The following PALM2AKAP2 variants were observed in gnomAD, a reference collection of about 807,000 sequenced individuals.
The protein encoded by PALM2AKAP2 is PALM2 and AKAP2 fusion.
PALM2AKAP2 carries 37 observed loss-of-function variants against 71.5 expected under a neutral mutation model. The observed-to-expected ratio is 0.52, with a 90% CI of 0.40 to 0.68. The LOEUF (loss-of-function observed/expected upper bound fraction) is 0.68, where lower values mean the gene tolerates loss of function less well. PALM2AKAP2 is among the 30% of genes least tolerant of loss of function. The pLI, the probability that PALM2AKAP2 is intolerant of heterozygous loss-of-function variation, is 0.00. For synonymous variants in PALM2AKAP2, 468 were observed against 478.8 expected (o/e 0.98, Z 0.29); for missense variants, 1,224 against 1,191.8 (o/e 1.03, Z -0.40).
chr9:109,666,212 C>G (rs530690897), intron 1 of PALM2AKAP2, among the ~76,000 whole-genome samples: 1 of 152,336 alleles, frequency 6.6e-6, no homozygotes, highest in African/African-American at 2.4e-5. Context: ...CCAACCAGCC[C>G]CAGTGAGATG....
intron 1 of PALM2AKAP2, among the ~76,000 whole-genome samples, chr9:109,698,338 C>T (rs1375794804): frequency 3.5e-5 from 5 of 141,706 alleles, no homozygotes; most frequent in Non-Finnish European, 7.4e-5. Context: ...AGTGCAATGG[C>T]GTGATCTCAG....
intron 1 of PALM2AKAP2, among the ~76,000 whole-genome samples, chr9:109,747,896 C>T (rs1179130266): frequency 6.6e-6 from 1 of 152,186 alleles, no homozygotes; most frequent in Non-Finnish European, 1.5e-5. Flanking sequence ...GTCTTGAACT[C>T]CTGAGCTGAA....
At chr9:109,666,337 A>G (rs1191889554) in intron 1 of PALM2AKAP2, among the ~76,000 whole-genome samples, 1 of 152,164 alleles carries the variant, frequency 6.6e-6, no homozygotes, top group Admixed American at 6.5e-5. Context: ...CTCACAAAGT[A>G]TCTTTTTAAA....
chr9:109,833,628 G>A (rs930672588), intron 1 of PALM2AKAP2, among the ~76,000 whole-genome samples: 1 of 152,198 alleles, frequency 6.6e-6, no homozygotes, highest in Non-Finnish European at 1.5e-5. Context: ...CAGTTGGGGA[G>A]TTATTGGTCA....
chr9:110,166,759 A>T (rs906295546), intron 3 of PALM2AKAP2, among the ~76,000 whole-genome samples: 1 of 152,212 alleles, frequency 6.6e-6, no homozygotes. Context: ...TCCTTTGACA[A>T]AGGTGCAGAG....
At chr9:110,095,192 G>A (rs1263901599) in intron 1 of PALM2AKAP2, among the ~76,000 whole-genome samples, 1 of 152,170 alleles carries the variant, frequency 6.6e-6, no homozygotes, top group Non-Finnish European at 1.5e-5. Context: ...CAGTTCCCTT[G>A]TGCCCTGGGA....
chr9:109,866,665 T>C (rs1229168831), intron 1 of PALM2AKAP2, among the ~76,000 whole-genome samples: 2 of 152,230 alleles, frequency 1.3e-5, no homozygotes, highest in African/African-American at 4.8e-5. Flanking sequence ...GCACTTACTC[T>C]GTGCCAGGTA....
intron 3 of PALM2AKAP2, among the ~76,000 whole-genome samples, chr9:109,894,896 A>G (rs1342837187): frequency 6.6e-6 from 1 of 152,168 alleles, no homozygotes. Flanking sequence ...GATTACAAGC[A>G]TAAGCCACTG....
chr9:109,972,600 A>G (rs1564240249), intron 6 of PALM2AKAP2, among the ~76,000 whole-genome samples: 2 of 152,216 alleles, frequency 1.3e-5, no homozygotes, highest in East Asian at 3.9e-4. Context: ...CCATCAGTAT[A>G]CTATAGACAA....
intron 7 of PALM2AKAP2, among the ~76,000 whole-genome samples, chr9:110,019,362 G>T (rs1833034024): frequency 6.6e-6 from 1 of 152,028 alleles, no homozygotes; most frequent in Admixed American, 6.6e-5. Flanking sequence ...ATACACTGTT[G>T]GTAGCAATGT....
chr9:109,898,833 G>A (rs530786780), intron 3 of PALM2AKAP2, among the ~76,000 whole-genome samples: 65 of 152,228 alleles, frequency 4.3e-4, no homozygotes, highest in Non-Finnish European at 5.4e-4. Context: ...CTATTTAGGG[G>A]CTAAGTGCAA....
chr9:109,757,059 T>A (rs1297741122), intron 1 of PALM2AKAP2, among the ~76,000 whole-genome samples: 1 of 152,058 alleles, frequency 6.6e-6, no homozygotes, highest in Non-Finnish European at 1.5e-5. Flanking sequence ...GAACATAACG[T>A]GTTCTATCTA....
chr9:109,846,375 G>T (rs139404652), intron 1 of PALM2AKAP2, among the ~76,000 whole-genome samples: 3 of 152,270 alleles, frequency 2.0e-5, no homozygotes, highest in African/African-American at 4.8e-5. Context: ...CCCAATGGGA[G>T]AACAGCCACC....
intron 2 of PALM2AKAP2, among the ~76,000 whole-genome samples, chr9:110,141,837 C>A (rs1836038944): frequency 6.6e-6 from 1 of 152,134 alleles, no homozygotes; most frequent in Admixed American, 6.6e-5. Context: ...CAAATAAAAT[C>A]CACTGAGAGC....
chr9:109,774,727 T>C (rs1472042110), intron 1 of PALM2AKAP2, among the ~76,000 whole-genome samples: 1 of 151,818 alleles, frequency 6.6e-6, no homozygotes, highest in East Asian at 1.9e-4. Flanking sequence ...AGTTGGTCCA[T>C]GGCATTTTTC....
intron 1 of PALM2AKAP2, among the ~76,000 whole-genome samples, chr9:110,104,738 G>A (rs1835075581): frequency 6.6e-6 from 1 of 152,206 alleles, no homozygotes; most frequent in Non-Finnish European, 1.5e-5. Flanking sequence ...CACTTGAGAT[G>A]TTTGCACCTG....
At chr9:109,671,034 T>C (rs1159348953) in intron 1 of PALM2AKAP2, among the ~76,000 whole-genome samples, 2 of 152,226 alleles carry the variant, frequency 1.3e-5, no homozygotes, top group African/African-American at 2.4e-5. Context: ...CTTTGTCAGA[T>C]GCATAGTATG....
At chr9:109,841,515 T>TAAA (rs369447070) in intron 1 of PALM2AKAP2, among the ~76,000 whole-genome samples, 9,257 of 18,516 alleles carry the variant, frequency 0.5, 2,349 homozygotes, top group African/African-American at 0.62. Context: ...TAAAGTATAA[T>TAAA]AAAAAAAAAA....
chr9:110,139,615 C>T (rs1588132310), intron 2 of PALM2AKAP2, among the ~76,000 whole-genome samples: 1 of 152,014 alleles, frequency 6.6e-6, no homozygotes, highest in East Asian at 1.9e-4. Flanking sequence ...TGACACTTAT[C>T]TTGGTCCATC....
Sources: gnomAD v4.1 joint callset for allele counts (sites outside exome capture counted in the v4.1 genomes callset) on GRCh38, gnomAD v4.1.1 for gene constraint, MANE v1.5 for transcripts, NCBI Gene and HGNC (gene_info 2026-07-23, HGNC 2026-07-21) for gene names.